Variants in BATF observed in about 807,000 individuals in gnomAD.
BATF encodes the protein basic leucine zipper transcriptional factor ATF-like.
BATF carries 5 observed loss-of-function variants against 13.7 expected under a neutral mutation model. The observed-to-expected ratio is 0.36, with a 90% CI of 0.19 to 0.77. BATF has a LOEUF of 0.77. Among genes scored for constraint, BATF ranks in the 30% least tolerant of loss-of-function variants. The pLI, the probability that BATF is intolerant of heterozygous loss-of-function variation, is 0.51. For synonymous variants in BATF, 72 were observed against 67.5 expected (o/e 1.07, Z -0.33); for missense variants, 124 against 163.0 (o/e 0.76, Z 1.30).
chr14:75,541,606 C>T (rs951416026), intron 2 of BATF, among the ~76,000 whole-genome samples: 6 of 152,176 alleles, frequency 3.9e-5, no homozygotes, highest in African/African-American at 1.2e-4. Context: ...TCACCAAAAC[C>T]GAGACCCAGC....
In BATF at chr14:75,525,132, A is replaced by G; in HGVS notation, c.112A>G (p.Ile38Val). ...RRVQRREKNRIAAQKSRQRQT... is the reference protein window; with the variant it reads ...RRVQRREKNRVAAQKSRQRQT... The stretch of plus-strand genomic sequence containing the variant: ...AGTTCAGAGGAGGGAGAAAAATCGT[A>G]TTGCCGCCCAGAAGAGCCGACAGAG... Residue 38 changes from isoleucine (I) to valine (V), a missense_variant, in exon 2 of 3, where the codon ATT (isoleucine) becomes GTT (valine). Ile to Val is a conservative substitution (Grantham distance 29, BLOSUM62 3). Coordinates refer to ENST00000286639, the MANE Select transcript of BATF (RefSeq NM_006399.5). 1.2e-6 allele frequency: 2 copies of G among 1,613,974 alleles called. No individual in the cohort carries two copies. The highest frequency in any genetic ancestry group is 1.3e-5 in the African/African-American group (1 of 74,998).
At chr14:75,532,172 C>T (rs8014879) in intron 2 of BATF, among the ~76,000 whole-genome samples, 36,716 of 152,058 alleles carry the variant, frequency 0.24, 5,950 homozygotes, top group African/African-American at 0.47. Flanking sequence ...GTCTGTCTGA[C>T]GTCAGAACCC....
chr14:75,533,407 A>G (rs1420779957), intron 2 of BATF, among the ~76,000 whole-genome samples: 2 of 150,876 alleles, frequency 1.3e-5, no homozygotes, highest in Non-Finnish European at 3.0e-5. Context: ...CAGCCAAGGC[A>G]ACAGAGTGAG....
At chr14:75,533,629 T>C (rs1677181131) in intron 2 of BATF, among the ~76,000 whole-genome samples, 1 of 152,118 alleles carries the variant, frequency 6.6e-6, no homozygotes, top group Non-Finnish European at 1.5e-5. Context: ...TCCCCTCTTT[T>C]GAACTTAGTC....
At position 75,525,491 on chromosome 14, in the gene BATF, C is replaced by A. The variant is rs186213768; in HGVS notation, c.168+303C>A. On this transcript the variant is annotated intron_variant, in intron 2 of 2. Coordinates refer to ENST00000286639, the MANE Select transcript of BATF (RefSeq NM_006399.5). ...CAGCCTGGCCAACATGGTGAAACCT[C>A]GTCTCTACTAAAAATACAAAAAATT... 1.7e-3 allele frequency among the ~76,000 whole-genome samples: 264 copies of A among 151,712 alleles called. 2 individuals carry two copies. The highest frequency in any genetic ancestry group is 6.2e-3 in the African/African-American group (257 of 41,322).
At position 75,543,059 on chromosome 14, in the gene BATF, C is replaced by T. The variant is rs540547487; in HGVS notation, c.169-3403C>T. On this transcript the variant is annotated intron_variant, in intron 2 of 2. Coordinates refer to ENST00000286639, the MANE Select transcript of BATF (RefSeq NM_006399.5). ...CACCAGTGGAAACTCTCAGAGGGGG[C>T]GAAGAAAAGGGCTAGAGGAAGGAGC... Among the ~76,000 whole-genome samples the T allele has an allele frequency of 6.6e-5, 10 of 152,246 alleles. No homozygotes were observed. In the East Asian group the frequency reaches 7.7e-4, roughly 12 times the overall value.
rs1016987193 is a variant in BATF, at chr14:75,539,988, C to T, written c.169-6474C>T. Reference sequence around the variant, plus strand: ...CTGGGTGTGAGGGATAAGCTTCGAACGCCACTTAAGTGTAGGTGGGAGCCA... The same window carrying T: ...CTGGGTGTGAGGGATAAGCTTCGAATGCCACTTAAGTGTAGGTGGGAGCCA... On this transcript the variant is annotated intron_variant, in intron 2 of 2. Transcript: ENST00000286639. 3.3e-5 allele frequency among the ~76,000 whole-genome samples: 5 copies of T among 152,128 alleles called. 1 individual carries two copies. The highest frequency in any genetic ancestry group is 4.1e-4 in the South Asian group (2 of 4,830).
intron 2 of BATF, among the ~76,000 whole-genome samples, chr14:75,537,690 G>A (rs916858332): frequency 2.2e-4 from 34 of 152,062 alleles, no homozygotes; most frequent in Non-Finnish European, 1.6e-4. Context: ...ACCAATTTAA[G>A]AATATAATAG....
rs914865795 is a variant in BATF at position 75,546,960 on chromosome 14, G to T, written c.*289G>T. ...GCACAGAGCAAGGCGGGCAGGGAAC[G>T]GTTATTTTTCTAAATAAATGCTTTA... On this transcript the variant is annotated 3_prime_UTR_variant, in exon 3 of 3. Coordinates refer to ENST00000286639, the MANE Select transcript of BATF (RefSeq NM_006399.5). 5.7e-6 allele frequency: 4 copies of T among 702,910 alleles called. No homozygotes were observed. Among genetic ancestry groups the T allele is most frequent in the Non-Finnish European group, 7.8e-6 (3 of 385,354 alleles). The allele number at this position is 702,910 out of a possible 1,614,324, so 43.5% of individuals were successfully genotyped here.
At chr14:75,542,892 G>A (rs568563357) in intron 2 of BATF, among the ~76,000 whole-genome samples, 1 of 152,366 alleles carries the variant, frequency 6.6e-6, no homozygotes, top group Non-Finnish European at 1.5e-5. Flanking sequence ...GCTCAGCAGA[G>A]CTTGCTTAGG....
chr14:75,535,157 T>C (rs2140038660), intron 2 of BATF, among the ~76,000 whole-genome samples: 1 of 152,320 alleles, frequency 6.6e-6, no homozygotes, highest in Non-Finnish European at 1.5e-5. Context: ...GGATGGTTCA[T>C]GCCTGTAATC....
chr14:75,522,870 G>A (rs1210570409), intron 1 of BATF, 125 bp downstream of exon 1: 15 of 1,132,024 alleles, frequency 1.3e-5, no homozygotes, highest in Non-Finnish European at 1.6e-5. Context: ...CGGGCACTCT[G>A]TTAGACTTAG....
intron 2 of BATF, among the ~76,000 whole-genome samples, chr14:75,539,339 C>T (rs1030308123): frequency 3.3e-5 from 5 of 151,674 alleles, no homozygotes; most frequent in South Asian, 2.1e-4. Flanking sequence ...ACCTCCCTCC[C>T]GCCCATCAGG....
At chr14:75,533,427 C>CAAAA (rs888084841) in intron 2 of BATF, among the ~76,000 whole-genome samples, 3 of 63,888 alleles carry the variant, frequency 4.7e-5, no homozygotes, top group East Asian at 5.8e-4. Context: ...GACTCCGTCT[C>CAAAA]AAAAAAAAAA....
intron 2 of BATF, among the ~76,000 whole-genome samples, chr14:75,528,884 C>G (rs1314615064): frequency 6.6e-6 from 1 of 151,940 alleles, no homozygotes; most frequent in Non-Finnish European, 1.5e-5. Context: ...AAGGAAAGAT[C>G]CTGTTTATAA....
intron 2 of BATF, among the ~76,000 whole-genome samples, chr14:75,543,290 C>T (rs1312978571): frequency 3.3e-5 from 5 of 152,186 alleles, no homozygotes; most frequent in South Asian, 2.1e-4. Context: ...TCCTCTGCCC[C>T]GTTTTAGAGG....
intron 2 of BATF, among the ~76,000 whole-genome samples, chr14:75,531,960 A>G (rs1031627911): frequency 6.6e-6 from 1 of 152,118 alleles, no homozygotes; most frequent in Non-Finnish European, 1.5e-5. Context: ...TGAACCATCT[A>G]TGGAAAGAGA....
chr14:75,545,757 C>T (rs1336005802), intron 2 of BATF, among the ~76,000 whole-genome samples: 5 of 152,058 alleles, frequency 3.3e-5, no homozygotes, highest in South Asian at 2.1e-4. Context: ...GCTGTATTCC[C>T]GCCACCTCCC....
chr14:75,543,246 G>C (rs1887925066), intron 2 of BATF, among the ~76,000 whole-genome samples: 2 of 152,208 alleles, frequency 1.3e-5, no homozygotes, highest in African/African-American at 2.4e-5. Context: ...GCAGAAGGCA[G>C]GGCTGTGACT....
Sources: gnomAD v4.1 joint callset for allele counts (sites outside exome capture counted in the v4.1 genomes callset) on GRCh38, gnomAD v4.1.1 for gene constraint, MANE v1.5 for transcripts, NCBI Gene and HGNC (gene_info 2026-07-23, HGNC 2026-07-21) for gene names.